COL25A1: variants seen among roughly 807,000 people sequenced by gnomAD.
The protein encoded by COL25A1 is collagen alpha-1(XXV) chain.
Under a neutral mutation model 128.4 loss-of-function variants are expected in COL25A1, and 103 were observed. The ratio of observed to expected loss-of-function variants is 0.80; its 90% CI spans 0.68 to 0.94. The LOEUF (loss-of-function observed/expected upper bound fraction) is 0.94. Ranked by LOEUF, COL25A1 falls within the 40% of genes least tolerant of loss-of-function variation. The pLI is 0.00. For missense variants in COL25A1, 745 were observed against 840.0 expected, an observed-to-expected ratio of 0.89 and a Z score of 1.40; for synonymous variants, 279 against 277.2, an observed-to-expected ratio of 1.01 and a Z score of -0.06.
chr4:109,083,453 T>TAAA (rs1560659266), intron 3 of COL25A1, among the ~76,000 whole-genome samples: 15 of 114,948 alleles, frequency 1.3e-4, no homozygotes, highest in African/African-American at 4.6e-4. Flanking sequence ...AATAAATTTT[T>TAAA]TTTTTTTTTT....
intron 11 of COL25A1, among the ~76,000 whole-genome samples, chr4:108,936,787 T>A (rs977552277): frequency 7.6e-6 from 1 of 132,442 alleles, no homozygotes; most frequent in African/African-American, 2.7e-5. Flanking sequence ...CACTAGGACC[T>A]ACCTGTTTCT....
At position 109,010,450 on chromosome 4, in the gene COL25A1, A is replaced by G. The variant is rs1016128228; in HGVS notation, c.421-75T>C. Reference sequence around the variant, plus strand: ...GAATATTTTCACTACCAAAACTGAAACTAGTTCTGGAAATATTCACAAATA... The same window carrying G: ...GAATATTTTCACTACCAAAACTGAAGCTAGTTCTGGAAATATTCACAAATA... On this transcript the variant is annotated intron_variant, in intron 5 of 37. Coordinates refer to ENST00000399132, the MANE Select transcript of COL25A1 (RefSeq NM_198721.4). 8.1e-6 allele frequency: 8 copies of G among 990,840 alleles called. No homozygotes were observed. The African/African-American group carries it at 1.4e-4, about 17-fold the overall frequency. 61.4% of individuals were successfully genotyped at this position (990,840 alleles called of 1,614,324 possible).
chr4:109,199,376 C>T (rs1207746226), intron 3 of COL25A1, among the ~76,000 whole-genome samples: 1 of 152,002 alleles, frequency 6.6e-6, no homozygotes, highest in Non-Finnish European at 1.5e-5. Flanking sequence ...GTACTCTGGG[C>T]TCAAGGGATC....
chr4:109,035,522 T>C (rs1339342633), intron 5 of COL25A1, among the ~76,000 whole-genome samples: 1 of 152,146 alleles, frequency 6.6e-6, no homozygotes, highest in East Asian at 1.9e-4. Flanking sequence ...ATGACCGGGG[T>C]ACTTTAGTTA....
chr4:109,030,754 T>TTTGTTG (rs150720966), intron 5 of COL25A1, among the ~76,000 whole-genome samples: 1 of 151,698 alleles, frequency 6.6e-6, no homozygotes, highest in African/African-American at 2.4e-5. Context: ...AAAACTTCAT[T>TTTGTTG]TTGTTGTTGT....
At chr4:108,959,378 G>A (rs1750418392) in intron 8 of COL25A1, among the ~76,000 whole-genome samples, 1 of 152,094 alleles carries the variant, frequency 6.6e-6, no homozygotes, top group Non-Finnish European at 1.5e-5. Flanking sequence ...CAGGTTACCA[G>A]TTTGCAGCCT....
chr4:108,884,260 T>C (rs771862817), intron 18 of COL25A1, 38 bp from the exon 19 acceptor site: 74 of 1,547,716 alleles, frequency 4.8e-5, no homozygotes, highest in Non-Finnish European at 6.6e-5. Flanking sequence ...AGAATGATAT[T>C]CACTCAGTCA....
chr4:108,993,764 G>A (rs1754459242), intron 6 of COL25A1, among the ~76,000 whole-genome samples: 1 of 151,852 alleles, frequency 6.6e-6, no homozygotes. Flanking sequence ...AGAGGCTGAG[G>A]CAGGAGAACT....
At chr4:108,961,660 G>T (rs1314040168) in intron 8 of COL25A1, among the ~76,000 whole-genome samples, 2 of 132,516 alleles carry the variant, frequency 1.5e-5, no homozygotes, top group Non-Finnish European at 3.4e-5. Flanking sequence ...TTGTGTTTGG[G>T]CATCACTCCC....
intron 31 of COL25A1, among the ~76,000 whole-genome samples, chr4:108,837,562 C>A (rs946613698): frequency 6.6e-6 from 1 of 152,008 alleles, no homozygotes; most frequent in South Asian, 2.1e-4. Context: ...GCCACAAGAA[C>A]CTCATAACAG....
intron 3 of COL25A1, among the ~76,000 whole-genome samples, chr4:109,128,370 C>G (rs1361830624): frequency 1.3e-5 from 2 of 152,196 alleles, no homozygotes; most frequent in African/African-American, 4.8e-5. Context: ...CTGCCAATCT[C>G]AAATTTTTAG....
intron 3 of COL25A1, among the ~76,000 whole-genome samples, chr4:109,116,347 G>GC (rs1334833777): frequency 2.0e-5 from 3 of 152,036 alleles, no homozygotes; most frequent in African/African-American, 7.2e-5. Context: ...TTTTCACAGA[G>GC]CATAGCCTGT....
At chr4:108,964,769 T>C (rs1194347965) in intron 8 of COL25A1, among the ~76,000 whole-genome samples, 3 of 152,212 alleles carry the variant, frequency 2.0e-5, no homozygotes, top group Admixed American at 6.5e-5. Context: ...TGGGTTGAAG[T>C]ATGACACAGA....
intron 3 of COL25A1, among the ~76,000 whole-genome samples, chr4:109,151,736 T>C (rs1412818622): frequency 6.6e-6 from 1 of 152,136 alleles, no homozygotes; most frequent in African/African-American, 2.4e-5. Flanking sequence ...CAGTCTTCCA[T>C]GCTGACTCTA....
At chr4:108,876,399 G>A (rs946088292) in intron 19 of COL25A1, among the ~76,000 whole-genome samples, 7 of 152,114 alleles carry the variant, frequency 4.6e-5, no homozygotes, top group South Asian at 2.1e-4. Flanking sequence ...CCACATTACC[G>A]TAAAAATTAA....
rs59761040 is a variant in COL25A1, at chr4:108,952,831, CTTTTTTT to C, written c.493-11401_493-11395del. On this transcript the variant is annotated intron_variant, in intron 8 of 37. Coordinates refer to ENST00000399132, the MANE Select transcript of COL25A1 (RefSeq NM_198721.4). Reference sequence around the variant, plus strand: ...TCAGCAGCCTGTGAGAAAAACTCAACTTTTTTTTTTTTTTTTTTTTTTTTTGGCATGT... The same window carrying C: ...TCAGCAGCCTGTGAGAAAAACTCAACTTTTTTTTTTTTTTTTTTGGCATGT... 1.9e-4 allele frequency among the ~76,000 whole-genome samples: 13 copies of C among 66,988 alleles called. No homozygotes were observed. The East Asian group carries it at 3.7e-3, about 19-fold the overall frequency. The allele number at this position is 66,988 out of a possible 152,430, so 43.9% of individuals were successfully genotyped here. A position where few individuals can be genotyped will look rare whatever the true frequency, so the allele number is the denominator to read the frequency against.
rs1227772661 is a variant in COL25A1 at position 108,812,595 on chromosome 4, A to T, written c.*1332T>A. 2 of 152,040 alleles carry T rather than the reference A, an allele frequency of 1.3e-5. No individual in the cohort carries two copies. The highest frequency in any genetic ancestry group is 2.9e-5 in the Non-Finnish European group (2 of 67,942). 9.4% of individuals were successfully genotyped at this position (152,040 alleles called of 1,614,324 possible). A position where few individuals can be genotyped will look rare whatever the true frequency, so the allele number is the denominator to read the frequency against. ...AATTATTATGATTTGAAGACTTCTT[A>T]AAAAAATTGTTCAAAACATATGTGA... On this transcript the variant is annotated 3_prime_UTR_variant, in exon 38 of 38. Transcript: ENST00000399132.
chr4:109,192,859 T>TA lies in COL25A1; in HGVS notation c.367+107723dup, dbSNP rs528185836. 2.9e-3 allele frequency among the ~76,000 whole-genome samples: 386 copies of TA among 131,412 alleles called. 1 individual carries two copies. Among genetic ancestry groups the TA allele is most frequent in the African/African-American group, 8.9e-3 (319 of 35,656 alleles). 86.2% of individuals were successfully genotyped at this position (131,412 alleles called of 152,430 possible). On this transcript the variant is annotated intron_variant, in intron 3 of 37. Coordinates refer to ENST00000399132, the MANE Select transcript of COL25A1 (RefSeq NM_198721.4). ...ACAGAGCGAGACTCTGTCTCAAAAT[T>TA]AAAAAAAAAAAAGAAAAGGGAAGGT...
At chr4:109,083,458 T>TAA (rs1392492751) in intron 3 of COL25A1, among the ~76,000 whole-genome samples, 6 of 120,138 alleles carry the variant, frequency 5.0e-5, no homozygotes, top group African/African-American at 1.6e-4. Context: ...ATTTTTTTTT[T>TAA]TTTTTTTTTT....
Sources: allele counts gnomAD v4.1 joint callset (sites outside exome capture counted in the v4.1 genomes callset), GRCh38; gene constraint gnomAD v4.1.1; transcripts MANE v1.5; gene names NCBI Gene and HGNC (gene_info 2026-07-23, HGNC 2026-07-21).